Variants in ABTB3 observed in about 807,000 individuals in gnomAD.
The protein encoded by ABTB3 is ankyrin repeat and BTB domain containing 3.
At chr12:107,352,795 G>A in the ABTB3 span, among the ~76,000 whole-genome samples, 2 of 152,096 alleles carry the variant, frequency 1.3e-5, no homozygotes, top group African/African-American at 2.4e-5. Flanking sequence ...GAGAAGAGAT[G>A]GGGGGTACCT....
At chr12:107,415,259 A>G in the ABTB3 span, among the ~76,000 whole-genome samples, 1 of 150,740 alleles carries the variant, frequency 6.6e-6, no homozygotes, top group South Asian at 2.1e-4. Flanking sequence ...ACTGACTCAG[A>G]CCCACTGACT....
chr12:107,494,828 A>G, the ABTB3 span, among the ~76,000 whole-genome samples: 5 of 152,066 alleles, frequency 3.3e-5, no homozygotes, highest in Admixed American at 2.6e-4. Context: ...CTGTTTCCAC[A>G]GTTAGGGGAG....
At chr12:107,580,398 T>C in the ABTB3 span, among the ~76,000 whole-genome samples, 3 of 152,234 alleles carry the variant, frequency 2.0e-5, no homozygotes, top group Non-Finnish European at 4.4e-5. Flanking sequence ...GTTGTAGGCA[T>C]TGTCTCAATG....
chr12:107,469,430 TGA>T, the ABTB3 span, among the ~76,000 whole-genome samples: 11 of 152,236 alleles, frequency 7.2e-5, no homozygotes, highest in Non-Finnish European at 1.5e-4. Flanking sequence ...CCAGCCTTTC[TGA>T]GAGTTGATTT....
At chr12:107,493,963 G>A in the ABTB3 span, among the ~76,000 whole-genome samples, 10 of 152,224 alleles carry the variant, frequency 6.6e-5, no homozygotes, top group African/African-American at 2.4e-4. Context: ...GACAAGAAAT[G>A]TCTGTTGTTT....
the ABTB3 span, among the ~76,000 whole-genome samples, chr12:107,566,686 A>ACACACACACAC: frequency 4.4e-5 from 4 of 91,120 alleles, no homozygotes; most frequent in Non-Finnish European, 6.8e-5. Flanking sequence ...CACACACACA[A>ACACACACACAC]ACATCTTTAC....
chr12:107,440,088 C>A, the ABTB3 span, among the ~76,000 whole-genome samples: 1 of 152,198 alleles, frequency 6.6e-6, no homozygotes, highest in Non-Finnish European at 1.5e-5. Context: ...ACACCTCCCC[C>A]CGCCGCTCCT....
At chr12:107,388,330 TCTC>T in the ABTB3 span, among the ~76,000 whole-genome samples, 1 of 150,462 alleles carries the variant, frequency 6.6e-6, no homozygotes, top group Non-Finnish European at 1.5e-5. Context: ...CCTCCTTCCT[TCTC>T]CTCCCTTTCT....
At chr12:107,559,424 C>G in the ABTB3 span, among the ~76,000 whole-genome samples, 6 of 147,164 alleles carry the variant, frequency 4.1e-5, no homozygotes, top group African/African-American at 1.6e-4. Context: ...CTGCCCAGTG[C>G]AAACTGAGGC....
the ABTB3 span, among the ~76,000 whole-genome samples, chr12:107,584,164 A>T: frequency 1.3e-5 from 2 of 152,268 alleles, no homozygotes; most frequent in African/African-American, 4.8e-5. Context: ...TGTGACATGA[A>T]GTAGGAATTA....
At chr12:107,426,232 G>T in the ABTB3 span, among the ~76,000 whole-genome samples, 40 of 152,196 alleles carry the variant, frequency 2.6e-4, no homozygotes, top group Non-Finnish European at 5.4e-4. Context: ...GTAGTGGCCC[G>T]CTGGCCCCAT....
chr12:107,625,359 A>G, the ABTB3 span, among the ~76,000 whole-genome samples: 2 of 152,114 alleles, frequency 1.3e-5, no homozygotes, highest in South Asian at 4.1e-4. Flanking sequence ...TTCTTGGTCC[A>G]TGGTATTATG....
the ABTB3 span, among the ~76,000 whole-genome samples, chr12:107,460,935 A>G: frequency 6.6e-6 from 1 of 152,194 alleles, no homozygotes; most frequent in Non-Finnish European, 1.5e-5. Context: ...AGTTAAAATA[A>G]GGTTGTTTTA....
At chr12:107,658,562 T>C in the ABTB3 span, 1 of 152,624 alleles carries the variant, frequency 6.6e-6, no homozygotes, top group East Asian at 1.9e-4. Context: ...ATAACATGCA[T>C]TTGCATGGGC....
At chr12:107,614,603 A>G in the ABTB3 span, among the ~76,000 whole-genome samples, 4 of 152,298 alleles carry the variant, frequency 2.6e-5, no homozygotes, top group East Asian at 3.9e-4. Context: ...GGTAGAAGGA[A>G]GAAGGGGACA....
the ABTB3 span, among the ~76,000 whole-genome samples, chr12:107,408,141 C>A: frequency 2.0e-5 from 3 of 152,028 alleles, no homozygotes; most frequent in African/African-American, 7.3e-5. Context: ...ATGTGTGCGG[C>A]TTTGTGAGGA....
At chr12:107,556,105 T>C in the ABTB3 span, among the ~76,000 whole-genome samples, 1 of 152,010 alleles carries the variant, frequency 6.6e-6, no homozygotes, top group African/African-American at 2.4e-5. Flanking sequence ...ATTTTTTTTT[T>C]TTTTTTTGAG....
the ABTB3 span, among the ~76,000 whole-genome samples, chr12:107,607,024 G>T: frequency 1.3e-5 from 2 of 152,150 alleles, no homozygotes; most frequent in Non-Finnish European, 2.9e-5. Flanking sequence ...GCCCACAGCT[G>T]CAGCAAGGGG....
chr12:107,366,637 A>G, the ABTB3 span, among the ~76,000 whole-genome samples: 2 of 152,222 alleles, frequency 1.3e-5, no homozygotes, highest in Non-Finnish European at 2.9e-5. Flanking sequence ...AGAGTGAAGC[A>G]CGGTTTTTCT....
Sources: gnomAD v4.1 joint callset for allele counts (sites outside exome capture counted in the v4.1 genomes callset) on GRCh38, gnomAD v4.1.1 for gene constraint, MANE v1.5 for transcripts, NCBI Gene and HGNC (gene_info 2026-07-23, HGNC 2026-07-21) for gene names.